Variants in IGFN1 observed in about 807,000 individuals in gnomAD.
IGFN1 encodes immunoglobulin-like and fibronectin type III domain-containing protein 1.
IGFN1 carries 253 observed loss-of-function variants against 289.5 expected under a neutral mutation model. The observed-to-expected ratio is 0.87, with a 90% CI of 0.79 to 0.97. The LOEUF is 0.97. IGFN1 is among the 50% of genes least tolerant of loss of function. The pLI, the probability that IGFN1 is intolerant of heterozygous loss-of-function variation, is 0.00. For missense variants in IGFN1, 4,470 were observed against 4,686.1 expected, an observed-to-expected ratio of 0.95 and a Z score of 1.35; for synonymous variants, 1,706 against 1,788.5, an observed-to-expected ratio of 0.95 and a Z score of 1.16.
Position 201,210,669 on chromosome 1 carries a change from T to A in IGFN1, c.5776T>A (p.Tyr1926Asn). The A allele has an allele frequency of 6.6e-7, 1 of 1,516,250 alleles. No individual in the cohort carries two copies. The highest frequency in any genetic ancestry group is 8.8e-7 in the Non-Finnish European group (1 of 1,140,076). The allele number at this position is 1,516,250 out of a possible 1,614,324, so 93.9% of individuals were successfully genotyped here. ...VEMGSVNEAG[Y>N]RKDLGAPEGM... ...AATGGGGTCAGTGAATGAGGCAGGT[T>A]ATAGGAAGGATTTGGGGGCTCCTGA... The change falls in exon 12 of 24, where the codon TAT becomes AAT. Residue 1926 changes from tyrosine to asparagine, a missense_variant. By Grantham distance (143) the Tyr-to-Asn change is moderately radical (BLOSUM62 -2). Transcript: ENST00000335211.
chr1:201,212,286 A>G lies in IGFN1; in HGVS notation c.7393A>G (p.Lys2465Glu). 1 of 1,536,352 alleles carries G rather than the reference A, an allele frequency of 6.5e-7. No individual in the cohort carries two copies. The highest frequency in any genetic ancestry group is 1.2e-5 in the South Asian group (1 of 84,028). ...QTLSDERGST[K>E]DLGGYGTSGI... ...TCTTTCAGATGAGCGAGGCTCCACC[A>G]AAGATCTTGGGGGCTATGGAACTTC... Residue 2465 changes from lysine (K) to glutamate (E), a missense_variant, in exon 12 of 24, where the codon AAA becomes GAA. Lys to Glu is a moderately conservative substitution (Grantham distance 56, BLOSUM62 1). Around this residue, in one of 8 missense-constraint regions of IGFN1, gnomAD observed 2,218 missense variants for 2,114.1 expected, o/e 1.05. Coordinates refer to ENST00000335211, the MANE Select transcript of IGFN1 (RefSeq NM_001164586.2).
At chr1:201,199,423 A>G in intron 6 of IGFN1, 45 bp downstream of exon 6, 1 of 1,532,450 alleles carries the variant, frequency 6.5e-7, no homozygotes, top group South Asian at 1.2e-5. Flanking sequence ...TGTGGGGGAT[A>G]GGCTACTCCT....
Position 201,212,444 on chromosome 1 carries a change from C to T in IGFN1, c.7551C>T (p.Asp2517=). The T allele has an allele frequency of 6.5e-7, 1 of 1,537,424 alleles. No individual in the cohort carries two copies. Residue 2517 remains aspartate (D), a synonymous_variant, in exon 12 of 24, where the codon GAC becomes GAT. Coordinates refer to ENST00000335211, the MANE Select transcript of IGFN1 (RefSeq NM_001164586.2). ...GAPRVKDRSP[D]QAGIMGASGF... is the part of the protein sequence containing the mutation. ...CCAGGGTGAAGGATAGGTCTCCAGA[C>T]CAAGCAGGGATAATGGGGGCTTCTG...
chr1:201,215,861 A>T, intron 15 of IGFN1, 23 bp downstream of exon 15: 2 of 1,604,252 alleles, frequency 1.2e-6, no homozygotes, highest in Non-Finnish European at 1.7e-6. Context: ...TCTTCCCCCA[A>T]CTAAGGCCTG....
Position 201,216,751 on chromosome 1 carries a change from A to T in IGFN1, c.9593A>T (p.Glu3198Val). 6.3e-7 allele frequency: 1 copy of T among 1,598,906 alleles called. No individual in the cohort carries two copies. The highest frequency in any genetic ancestry group is 8.5e-7 in the Non-Finnish European group (1 of 1,170,830). ...TCTGAGGAGATATTGGTGGCTCCTG[A>T]GGGTGAGAGAAAAGGCTGGGGCTGG... ...LESEEILVAP[E>V]ALPKAPSAPA... Residue 3198 changes from glutamate (E) to valine (V), a missense_variant and splice_region_variant, in exon 16 of 24, where the codon GAG (glutamate) becomes GTG (valine). Physicochemically the swap from Glu to Val is moderately radical, Grantham distance 121. This residue lies in a region of IGFN1 where 2,218 missense variants were observed against 2,114.1 expected (regional missense o/e 1.05). Transcript: ENST00000335211.
chr1:201,218,578 TC>T lies in IGFN1; in HGVS notation c.9820del (p.Arg3274GlyfsTer26). 6.2e-7 allele frequency: 1 copy of T among 1,613,440 alleles called. No homozygotes were observed. The highest frequency in any genetic ancestry group is 8.5e-7 in the Non-Finnish European group (1 of 1,179,964). On this transcript the variant is annotated frameshift_variant, in exon 18 of 24. Transcript: ENST00000335211. LOFTEE classifies it high-confidence loss of function. ...ADVRQGCQYE[F>X]RVTAVAPSGP... ...GTGCGGCAGGGCTGTCAGTATGAGT[TC>T]CGGGTCACAGCTGTGGCTCCCTCAG...
At chr1:201,226,207 G>A (rs542637861) in intron 22 of IGFN1, 84 bp downstream of exon 22, 55 of 1,389,264 alleles carry the variant, frequency 4.0e-5, no homozygotes, top group African/African-American at 1.6e-4. Context: ...CATGGCAAGC[G>A]CGCAGGATAG....
rs772163879 is a variant in IGFN1 at position 201,217,419 on chromosome 1, G to C, written c.9728G>C (p.Gly3243Ala). 8.7e-6 allele frequency: 14 copies of C among 1,614,100 alleles called. No homozygotes were observed. In the Admixed American group the frequency reaches 1.7e-4, roughly 19 times the overall value. Residue 3243 changes from glycine (G) to alanine (A), a missense_variant, in exon 17 of 24, where the codon GGG becomes GCG. Physicochemically the swap from Gly to Ala is moderately conservative, Grantham distance 60 (BLOSUM62 0). This residue lies in a region of IGFN1 where 2,218 missense variants were observed against 2,114.1 expected (regional missense o/e 1.05). Coordinates refer to ENST00000335211, the MANE Select transcript of IGFN1 (RefSeq NM_001164586.2). The part of the protein sequence containing the change: ...LGYLIERRKK[G>A]SNTWTAVNDQ... ...TACCTGATCGAGAGGCGTAAGAAGG[G>C]GAGCAACACCTGGACGGCAGTGAAC...
intron 18 of IGFN1, among the ~76,000 whole-genome samples, chr1:201,219,585 C>T (rs976818022): frequency 6.6e-6 from 1 of 152,248 alleles, no homozygotes; most frequent in Non-Finnish European, 1.5e-5. Flanking sequence ...GAAAATGCTG[C>T]TCTGTATTTC....
intron 4 of IGFN1, 53 bp downstream of exon 4, chr1:201,196,031 C>G: frequency 6.6e-7 from 1 of 1,523,468 alleles, no homozygotes; most frequent in South Asian, 1.2e-5. Context: ...TTTCCCATCC[C>G]CTTGAAGGTC....
chr1:201,219,500 C>A (rs919062852), intron 18 of IGFN1, among the ~76,000 whole-genome samples: 1 of 152,212 alleles, frequency 6.6e-6, no homozygotes, highest in African/African-American at 2.4e-5. Context: ...GGAAAAAAAC[C>A]TGTCTAACCT....
rs1235305038 is a variant in IGFN1, at chr1:201,210,903, G to A, written c.6010G>A (p.Ala2004Thr). 1.4e-5 allele frequency: 22 copies of A among 1,528,344 alleles called. No homozygotes were observed. The highest frequency in any genetic ancestry group is 1.9e-5 in the Non-Finnish European group (22 of 1,143,762). 94.7% of individuals were successfully genotyped at this position (1,528,344 alleles called of 1,614,324 possible). Residue 2004 changes from alanine (A) to threonine (T), a missense_variant, in exon 12 of 24, where the codon GCT (alanine) becomes ACT (threonine). Transcript: ENST00000335211. ...DEAGYRKDLG[A>T]PEGIGSGSKA... ...GGCAGGTTATAGGAAGGATTTGGGGGCTCCTGAGGGAATAGGTTCAGGGAG... is the reference window on the plus strand; with the variant it reads ...GGCAGGTTATAGGAAGGATTTGGGGACTCCTGAGGGAATAGGTTCAGGGAG...
chr1:201,216,708 G>A lies in IGFN1; in HGVS notation c.9550G>A (p.Ala3184Thr). 1 of 1,613,564 alleles carries A rather than the reference G, an allele frequency of 6.2e-7. No homozygotes were observed. Among genetic ancestry groups the A allele is most frequent in the South Asian group, 1.1e-5 (1 of 91,048 alleles). ...FRVRAVTSEGAGEALESEEIL... is the reference protein window; with the variant it reads ...FRVRAVTSEGTGEALESEEIL... Reference sequence around the variant, plus strand: ...AGTGCGGGCTGTGACCTCAGAGGGGGCTGGCGAGGCCCTGGAGTCTGAGGA... The same window carrying A: ...AGTGCGGGCTGTGACCTCAGAGGGGACTGGCGAGGCCCTGGAGTCTGAGGA... Residue 3184 changes from alanine to threonine, a missense_variant, in exon 16 of 24, where the codon GCT (alanine) becomes ACT (threonine). Physicochemically the swap from Ala to Thr is moderately conservative, Grantham distance 58. Coordinates refer to ENST00000335211, the MANE Select transcript of IGFN1 (RefSeq NM_001164586.2).
chr1:201,209,184 C>A lies in IGFN1; in HGVS notation c.4291C>A (p.Pro1431Thr). The change falls in exon 12 of 24, where the codon CCT becomes ACT. Residue 1431 changes from proline to threonine, a missense_variant. By Grantham distance (38) the Pro-to-Thr change is conservative. Coordinates refer to ENST00000335211, the MANE Select transcript of IGFN1 (RefSeq NM_001164586.2). ...AGGTTATAGGGAGGATTTGGGGGCT[C>A]CTGAGGGAATGGGCACAGGGAGCAA... The part of the protein sequence containing the change: ...GSGYREDLGA[P>T]EGMGTGSKAG... 6.7e-7 allele frequency: 1 copy of A among 1,500,394 alleles called. No individual in the cohort carries two copies. Among genetic ancestry groups the A allele is most frequent in the South Asian group, 1.3e-5 (1 of 76,220 alleles). The allele number at this position is 1,500,394 out of a possible 1,614,324, so 92.9% of individuals were successfully genotyped here. A position where few individuals can be genotyped will look rare whatever the true frequency, so the allele number is the denominator to read the frequency against.
In IGFN1 at chr1:201,221,699, G is replaced by A. The variant is rs138889052; in HGVS notation, c.10154G>A (p.Ser3385Asn). 4.0e-4 allele frequency: 638 copies of A among 1,612,808 alleles called. 5 individuals are homozygous for A. The Admixed American group carries it at 0.01, about 26-fold the overall frequency. ...ACAGCAGTTAATGAAGGAGGCCAGA[G>A]CCAGCCCAGTGCCCTGGACACATTA... ...RVTAVNEGGQ[S>N]QPSALDTLVQ... Residue 3385 changes from serine to asparagine, a missense_variant, in exon 19 of 24, where the codon AGC (serine) becomes AAC (asparagine). Physicochemically the swap from Ser to Asn is conservative, Grantham distance 46 (BLOSUM62 1). Transcript: ENST00000335211.
At chr1:201,223,809 A>G (rs1340861999) in intron 20 of IGFN1, among the ~76,000 whole-genome samples, 1 of 152,228 alleles carries the variant, frequency 6.6e-6, no homozygotes, top group African/African-American at 2.4e-5. Flanking sequence ...CTGGCATATG[A>G]CAGCACCCAA....
chr1:201,193,355 A>C (rs1247805067), intron 2 of IGFN1, 55 bp downstream of exon 2: 1 of 1,361,440 alleles, frequency 7.3e-7, no homozygotes, highest in Non-Finnish European at 1.0e-6. Context: ...CCTTACCAGG[A>C]CAGAGAGGAG....
At position 201,211,747 on chromosome 1, in the gene IGFN1, G is replaced by T. The variant is rs925490624; in HGVS notation, c.6854G>T (p.Gly2285Val). 2.7e-5 allele frequency: 41 copies of T among 1,536,808 alleles called. No homozygotes were observed. The Admixed American group carries it at 6.9e-4, about 26-fold the overall frequency. Residue 2285 changes from glycine (G) to valine (V), a missense_variant, in exon 12 of 24, where the codon GGT (glycine) becomes GTT (valine). Gly to Val is a moderately radical substitution (Grantham distance 109). Around this residue, in one of 8 missense-constraint regions of IGFN1, gnomAD observed 2,218 missense variants for 2,114.1 expected, o/e 1.05. Coordinates refer to ENST00000335211, the MANE Select transcript of IGFN1 (RefSeq NM_001164586.2). ...SGKISSGDEA[G>V]YKNVLGGSGR... ...AAAATCAGTTCAGGGGATGAGGCAG[G>T]TTATAAGAATGTTTTAGGGGGTTCT...
At chr1:201,224,447 A>C (rs1653947694) in intron 20 of IGFN1, among the ~76,000 whole-genome samples, 1 of 151,924 alleles carries the variant, frequency 6.6e-6, no homozygotes, top group Non-Finnish European at 1.5e-5. Context: ...TCTTCGTCCA[A>C]CTTCCTTTCT....
Sources: allele counts gnomAD v4.1 joint callset (sites outside exome capture counted in the v4.1 genomes callset), GRCh38; gene constraint gnomAD v4.1.1; regional missense constraint gnomAD v4.1.1; transcripts MANE v1.5; gene names NCBI Gene and HGNC (gene_info 2026-07-23, HGNC 2026-07-21).